The following SH3RF1 variants were observed in gnomAD, a reference collection of about 807,000 sequenced individuals.
SH3RF1 encodes E3 ubiquitin-protein ligase SH3RF1.
In SH3RF1, 32 loss-of-function variants were observed where a neutral mutation model predicts 74.0. The observed-to-expected ratio is 0.43, with a 90% CI of 0.33 to 0.58. SH3RF1 has a LOEUF of 0.58. SH3RF1 is among the 20% of genes least tolerant of loss of function. The pLI, the probability that SH3RF1 is intolerant of heterozygous loss-of-function variation, is 0.05. For missense variants in SH3RF1, 954 were observed against 1,130.9 expected, an observed-to-expected ratio of 0.84 and a Z score of 2.24; for synonymous variants, 396 against 439.6, an observed-to-expected ratio of 0.90 and a Z score of 1.24.
At chr4:169,239,327 C>T (rs2660399) in intron 2 of SH3RF1, among the ~76,000 whole-genome samples, 145,472 of 152,040 alleles carry the variant, frequency 0.96, 69,903 homozygotes, top group East Asian at 1. Flanking sequence ...TCAAGTGACA[C>T]GCAGGAAAAA....
chr4:169,146,076 TTATATATTC>T lies in SH3RF1; in HGVS notation c.765+9395_765+9403del, dbSNP rs1249261238. 8.5e-5 allele frequency among the ~76,000 whole-genome samples: 8 copies of T among 93,762 alleles called. 2 individuals are homozygous for T. The highest frequency in any genetic ancestry group is 1.4e-4 in the African/African-American group (3 of 22,070). The allele number at this position is 93,762 out of a possible 152,430, so 61.5% of individuals were successfully genotyped here. ...AATATTATATATTCTATATAAAATA[TTATATATTC>T]TATATATTCTATATAAAATGTTATA... On this transcript the variant is annotated intron_variant, in intron 4 of 11. Coordinates refer to ENST00000284637, the MANE Select transcript of SH3RF1 (RefSeq NM_020870.4).
intron 2 of SH3RF1, among the ~76,000 whole-genome samples, chr4:169,238,064 T>C (rs1277978201): frequency 6.6e-6 from 1 of 152,206 alleles, no homozygotes; most frequent in Admixed American, 6.5e-5. Flanking sequence ...CCCCTCACAC[T>C]CTGCCCATTG....
At chr4:169,192,466 A>G (rs1450246098) in intron 2 of SH3RF1, among the ~76,000 whole-genome samples, 3 of 152,062 alleles carry the variant, frequency 2.0e-5, no homozygotes, top group African/African-American at 7.2e-5. Context: ...GAATGGCCAC[A>G]ATCAAAAAAT....
intron 2 of SH3RF1, among the ~76,000 whole-genome samples, chr4:169,209,262 C>G (rs1302351184): frequency 1.3e-5 from 2 of 150,822 alleles, no homozygotes; most frequent in Non-Finnish European, 2.9e-5. Context: ...GCACTCCAGC[C>G]TGAGTGACAG....
intron 2 of SH3RF1, among the ~76,000 whole-genome samples, chr4:169,179,121 C>T (rs1280112875): frequency 6.6e-6 from 1 of 152,126 alleles, no homozygotes; most frequent in African/African-American, 2.4e-5. Context: ...TCCAGGTGGG[C>T]TTACTGTAAT....
chr4:169,225,879 A>G (rs1023814176), intron 2 of SH3RF1, among the ~76,000 whole-genome samples: 21 of 152,160 alleles, frequency 1.4e-4, no homozygotes, highest in Admixed American at 7.9e-4. Flanking sequence ...AGAAAACAGA[A>G]GAGATGAGCA....
At chr4:169,209,003 A>G (rs1730309962) in intron 2 of SH3RF1, among the ~76,000 whole-genome samples, 1 of 152,186 alleles carries the variant, frequency 6.6e-6, no homozygotes, top group Admixed American at 6.5e-5. Flanking sequence ...AAAATGAGGC[A>G]GTAGGACAGG....
intron 2 of SH3RF1, among the ~76,000 whole-genome samples, chr4:169,258,662 G>GA (rs1354481942): frequency 2.0e-5 from 3 of 151,988 alleles, no homozygotes; most frequent in Admixed American, 6.6e-5. Flanking sequence ...CAAAGATTTT[G>GA]AAAAAAACTG....
chr4:169,148,022 T>TA (rs11372401), intron 4 of SH3RF1, among the ~76,000 whole-genome samples: 144,937 of 152,260 alleles, frequency 0.95, 69,414 homozygotes, highest in East Asian at 1. Context: ...ATTTTTCTCA[T>TA]AAAAAGGCAA....
At chr4:169,150,168 TC>T (rs1733952609) in intron 4 of SH3RF1, among the ~76,000 whole-genome samples, 1 of 152,210 alleles carries the variant, frequency 6.6e-6, no homozygotes, top group African/African-American at 2.4e-5. Flanking sequence ...AACTAATTAC[TC>T]CAAATTGTAC....
intron 2 of SH3RF1, among the ~76,000 whole-genome samples, chr4:169,253,426 A>T (rs1480102656): frequency 6.6e-6 from 1 of 152,246 alleles, no homozygotes; most frequent in African/African-American, 2.4e-5. Context: ...TTTCTGAGCT[A>T]GAGAGCCCAT....
At chr4:169,223,941 A>T (rs186764668) in intron 2 of SH3RF1, among the ~76,000 whole-genome samples, 1 of 152,330 alleles carries the variant, frequency 6.6e-6, no homozygotes, top group African/African-American at 2.4e-5. Flanking sequence ...AGCTGGAAGA[A>T]AATACGTGAA....
chr4:169,224,895 C>T (rs1256008131), intron 2 of SH3RF1, among the ~76,000 whole-genome samples: 2 of 152,222 alleles, frequency 1.3e-5, no homozygotes, highest in South Asian at 2.1e-4. Flanking sequence ...GGGCCAGATT[C>T]CCTGGGGGCC....
chr4:169,111,393 T>C (rs1487769044), intron 10 of SH3RF1, among the ~76,000 whole-genome samples: 8 of 150,916 alleles, frequency 5.3e-5, no homozygotes, highest in Admixed American at 5.3e-4. Context: ...TAGCTAGGAC[T>C]ACAGGCACAT....
chr4:169,221,849 T>C (rs1730569238), intron 2 of SH3RF1, among the ~76,000 whole-genome samples: 1 of 152,180 alleles, frequency 6.6e-6, no homozygotes, highest in Non-Finnish European at 1.5e-5. Flanking sequence ...AGATCCAAAA[T>C]CGTTACACAG....
chr4:169,221,679 A>G (rs1730566330), intron 2 of SH3RF1, among the ~76,000 whole-genome samples: 1 of 152,222 alleles, frequency 6.6e-6, no homozygotes, highest in Admixed American at 6.5e-5. Context: ...AAGGCAACAT[A>G]TTTTATGTCT....
At chr4:169,202,115 TA>T (rs1447759385) in intron 2 of SH3RF1, among the ~76,000 whole-genome samples, 1 of 152,122 alleles carries the variant, frequency 6.6e-6, no homozygotes, top group African/African-American at 2.4e-5. Context: ...CCCCCAAATT[TA>T]CAGTTATCTC....
chr4:169,244,748 G>A (rs559228210), intron 2 of SH3RF1, among the ~76,000 whole-genome samples: 2 of 152,182 alleles, frequency 1.3e-5, no homozygotes, highest in Admixed American at 6.5e-5. Context: ...CAATGACAAC[G>A]CCACAGTGCT....
Position 169,151,656 on chromosome 4 carries a change from C to T in SH3RF1, c.765+3824G>A, listed in dbSNP as rs189228393. ...TAGCCCTTGTTTCTAGCAGTAACTA[C>T]TGAGTAAGAATAGTTGTCTATGAGG... On this transcript the variant is annotated intron_variant, in intron 4 of 11. Coordinates refer to ENST00000284637, the MANE Select transcript of SH3RF1 (RefSeq NM_020870.4). Among the ~76,000 whole-genome samples, 210 of 152,302 alleles carry T rather than the reference C, an allele frequency of 1.4e-3. 1 individual carries two copies. The highest frequency in any genetic ancestry group is 2.6e-3 in the Non-Finnish European group (176 of 68,018).
Sources: gnomAD v4.1 joint callset for allele counts (sites outside exome capture counted in the v4.1 genomes callset) on GRCh38, gnomAD v4.1.1 for gene constraint, MANE v1.5 for transcripts, NCBI Gene and HGNC (gene_info 2026-07-23, HGNC 2026-07-21) for gene names.